MDGA2: variants seen among roughly 807,000 people sequenced by gnomAD.
MDGA2 encodes the protein MAM domain containing glycosylphosphatidylinositol anchor 2, also known as MAM domain-containing glycosylphosphatidylinositol anchor protein 2.
In MDGA2, 40 loss-of-function variants were observed where a neutral mutation model predicts 117.8. That is an observed-to-expected ratio of 0.34 (90% confidence interval 0.26 to 0.44). MDGA2 has a LOEUF of 0.44. Ranked by LOEUF, MDGA2 falls within the 20% of genes least tolerant of loss-of-function variation. MDGA2 has a pLI of 1.00. For missense variants in MDGA2, 1,123 were observed against 1,250.6 expected (o/e 0.90, Z 1.54); for synonymous variants, 452 against 439.0 (o/e 1.03, Z -0.37).
chr14:47,518,278 G>A (rs1479913583), intron 1 of MDGA2, among the ~76,000 whole-genome samples: 1 of 152,102 alleles, frequency 6.6e-6, no homozygotes, highest in Non-Finnish European at 1.5e-5. Flanking sequence ...CACAGATACT[G>A]CAGGAGAACA....
At chr14:47,484,248 C>A (rs1955787) in intron 1 of MDGA2, among the ~76,000 whole-genome samples, 75 of 152,008 alleles carry the variant, frequency 4.9e-4, no homozygotes, top group African/African-American at 1.2e-3. Context: ...ATTAAAAAAA[C>A]ACATATATAT....
intron 1 of MDGA2, among the ~76,000 whole-genome samples, chr14:47,396,367 T>C (rs1203889597): frequency 6.6e-6 from 1 of 152,056 alleles, no homozygotes; most frequent in Non-Finnish European, 1.5e-5. Context: ...AACCCTTTTT[T>C]CTTTTTTAAA....
At chr14:47,106,108 TA>T (rs1566627623) in intron 5 of MDGA2, among the ~76,000 whole-genome samples, 1 of 152,126 alleles carries the variant, frequency 6.6e-6, no homozygotes, top group African/African-American at 2.4e-5. Flanking sequence ...TCATCAAATA[TA>T]AAAATCCAGC....
intron 3 of MDGA2, among the ~76,000 whole-genome samples, chr14:47,217,164 A>T (rs1414402508): frequency 1.3e-5 from 2 of 152,112 alleles, no homozygotes; most frequent in Admixed American, 6.6e-5. Context: ...GAAAGAAAAG[A>T]AAGGGGAAAG....
rs897078037 is a variant in MDGA2, at chr14:47,157,744, T to C, written c.596-13470A>G. The stretch of plus-strand genomic sequence containing the variant: ...GACCCAGTGGGAAGTAATTGAATCA[T>C]AGGGACAGTGTCCACCACGCTATTC... On this transcript the variant is annotated intron_variant, in intron 3 of 16. Coordinates refer to ENST00000399232, the MANE Select transcript of MDGA2 (RefSeq NM_001113498.3). Among the ~76,000 whole-genome samples the C allele has an allele frequency of 1.7e-4, 26 of 151,916 alleles. No homozygotes were observed. In the South Asian group the frequency reaches 2.3e-3, roughly 13 times the overall value.
At chr14:47,415,950 C>A (rs527580645) in intron 1 of MDGA2, among the ~76,000 whole-genome samples, 8 of 152,126 alleles carry the variant, frequency 5.3e-5, no homozygotes, top group Non-Finnish European at 1.0e-4. Flanking sequence ...AATACTATCA[C>A]CTTCATGTTT....
chr14:47,115,099 A>G (rs940791535), intron 5 of MDGA2, among the ~76,000 whole-genome samples: 4 of 152,078 alleles, frequency 2.6e-5, no homozygotes, highest in Non-Finnish European at 1.5e-5. Flanking sequence ...TACACTCTAG[A>G]CTAAAGGGCA....
At chr14:47,283,280 C>A (rs911714156) in intron 2 of MDGA2, among the ~76,000 whole-genome samples, 1 of 152,076 alleles carries the variant, frequency 6.6e-6, no homozygotes, top group Admixed American at 6.6e-5. Context: ...TCAATCAGTC[C>A]TCTACCTTCA....
At chr14:47,000,422 CATATAAATATATATACATATAAATATAT>C (rs1887486634) in intron 8 of MDGA2, among the ~76,000 whole-genome samples, 1 of 75,384 alleles carries the variant, frequency 1.3e-5, no homozygotes, top group Non-Finnish European at 3.3e-5. Context: ...TATATATACA[CATATAAATATATATACATATAAATATAT>C]ATATAAATAT....
intron 3 of MDGA2, among the ~76,000 whole-genome samples, chr14:47,196,592 A>T (rs1486760304): frequency 1.3e-5 from 2 of 152,226 alleles, no homozygotes; most frequent in Non-Finnish European, 2.9e-5. Context: ...TTCACATTTT[A>T]AGAAGTTAAA....
At chr14:47,554,009 A>AC (rs1419827638) in intron 1 of MDGA2, among the ~76,000 whole-genome samples, 7 of 151,696 alleles carry the variant, frequency 4.6e-5, no homozygotes, top group Non-Finnish European at 8.8e-5. Context: ...TTCCCCGTCC[A>AC]CCCCCCGTTA....
chr14:47,400,559 G>A (rs1448485360), intron 1 of MDGA2, among the ~76,000 whole-genome samples: 1 of 151,088 alleles, frequency 6.6e-6, no homozygotes. Flanking sequence ...CAACACATAA[G>A]ACTTAAAACC....
chr14:46,957,565 A>C lies in MDGA2; in HGVS notation c.1898T>G (p.Leu633Arg). 6.2e-7 allele frequency: 1 copy of C among 1,614,166 alleles called. No homozygotes were observed. The highest frequency in any genetic ancestry group is 1.1e-5 in the South Asian group (1 of 91,076). Residue 633 changes from leucine (L) to arginine (R), a missense_variant, in exon 9 of 17, where the codon CTG (leucine) becomes CGG (arginine). By Grantham distance (102) the Leu-to-Arg change is moderately radical. Around this residue, in one of 2 missense-constraint regions of MDGA2, gnomAD observed 890 missense variants for 1,050.3 expected, o/e 0.85. Transcript: ENST00000399232. ...DRSVTMSCRV[L>R]RAYPIRVLTY... is the part of the protein sequence containing the mutation. ...CAGCACCCGTATTGGATAGGCTCTC[A>C]GTACTCTGCAACTCATAGTGACACT...
At chr14:46,869,386 T>C (rs970892660) in intron 14 of MDGA2, among the ~76,000 whole-genome samples, 4 of 147,308 alleles carry the variant, frequency 2.7e-5, no homozygotes, top group African/African-American at 7.7e-5. Context: ...ACATTAGAAA[T>C]TCAGTGGATT....
chr14:46,991,914 C>T (rs1256596222), intron 8 of MDGA2, among the ~76,000 whole-genome samples: 2 of 152,054 alleles, frequency 1.3e-5, no homozygotes, highest in Admixed American at 6.6e-5. Flanking sequence ...TGGATCCCAT[C>T]CAAAGGTTGA....
chr14:47,443,557 G>A (rs1158216699), intron 1 of MDGA2, among the ~76,000 whole-genome samples: 1 of 152,046 alleles, frequency 6.6e-6, no homozygotes, highest in East Asian at 1.9e-4. Flanking sequence ...AATATTCATT[G>A]TTCTGCATTT....
chr14:47,028,525 A>C (rs1450715419), intron 8 of MDGA2, among the ~76,000 whole-genome samples: 1 of 152,176 alleles, frequency 6.6e-6, no homozygotes, highest in Non-Finnish European at 1.5e-5. Flanking sequence ...TGTGTCTTCA[A>C]AATGAAGTTT....
At chr14:47,383,346 T>TA (rs936053490) in intron 1 of MDGA2, among the ~76,000 whole-genome samples, 25 of 148,052 alleles carry the variant, frequency 1.7e-4, no homozygotes, top group African/African-American at 4.7e-4. Flanking sequence ...AAAGTACAAT[T>TA]AAAAAAAAAA....
At chr14:47,159,185 T>C (rs1018963339) in intron 3 of MDGA2, among the ~76,000 whole-genome samples, 2 of 152,182 alleles carry the variant, frequency 1.3e-5, no homozygotes, top group Non-Finnish European at 2.9e-5. Flanking sequence ...ATGTAAACTA[T>C]GGACTTGGGT....
Sources: gnomAD v4.1 joint callset for allele counts (sites outside exome capture counted in the v4.1 genomes callset) on GRCh38, gnomAD v4.1.1 for gene constraint, gnomAD v4.1.1 regional missense constraint, MANE v1.5 for transcripts, NCBI Gene and HGNC (gene_info 2026-07-23, HGNC 2026-07-21) for gene names.